Variants in CDS2 observed in about 807,000 individuals in gnomAD.
CDS2 encodes phosphatidate cytidylyltransferase 2.
In CDS2, 47 loss-of-function variants were observed where a neutral mutation model predicts 59.0. The observed-to-expected ratio is 0.80, with a 90% CI of 0.63 to 1.02. The LOEUF is 1.02. Ranked by LOEUF, CDS2 falls within the 50% of genes least tolerant of loss-of-function variation. The pLI is 0.00. For synonymous variants in CDS2, 207 were observed against 206.4 expected (o/e 1.00, Z -0.02); for missense variants, 356 against 558.9 (o/e 0.64, Z 3.66).
At chr20:5,161,586 T>C (rs1352095740) in intron 1 of CDS2, among the ~76,000 whole-genome samples, 1 of 152,256 alleles carries the variant, frequency 6.6e-6, no homozygotes, top group Admixed American at 6.5e-5. Context: ...AGTATAGACA[T>C]AGTTTTATAT....
intron 1 of CDS2, among the ~76,000 whole-genome samples, chr20:5,135,462 C>T (rs2090642519): frequency 6.6e-6 from 1 of 151,500 alleles, no homozygotes; most frequent in Non-Finnish European, 1.5e-5. Context: ...GTGTGTCATA[C>T]TGCCTCTGGT....
chr20:5,155,469 A>G (rs185772340), intron 1 of CDS2, among the ~76,000 whole-genome samples: 1 of 152,318 alleles, frequency 6.6e-6, no homozygotes, highest in East Asian at 1.9e-4. Context: ...TCTTACTGTA[A>G]ATATAACTCA....
At chr20:5,171,556 G>A (rs1383841784) in intron 1 of CDS2, among the ~76,000 whole-genome samples, 1 of 152,214 alleles carries the variant, frequency 6.6e-6, no homozygotes, top group Non-Finnish European at 1.5e-5. Flanking sequence ...GGTGGTTGCC[G>A]ATGGTGTGTG....
chr20:5,128,572 G>A (rs919748299), intron 1 of CDS2: 1 of 152,234 alleles, frequency 6.6e-6, no homozygotes, highest in Non-Finnish European at 1.5e-5. Flanking sequence ...TTGAGCCCAG[G>A]AGTTTGAGAC....
At chr20:5,168,127 G>A (rs1415092140) in intron 1 of CDS2, among the ~76,000 whole-genome samples, 1 of 152,076 alleles carries the variant, frequency 6.6e-6, no homozygotes, top group Non-Finnish European at 1.5e-5. Flanking sequence ...AAGAAATAGA[G>A]TATGGAGCTG....
chr20:5,158,739 G>A (rs538311983), intron 1 of CDS2, among the ~76,000 whole-genome samples: 9 of 152,276 alleles, frequency 5.9e-5, no homozygotes, highest in East Asian at 3.9e-4. Flanking sequence ...AGCAGCTAGC[G>A]GTTTGGGGAC....
chr20:5,162,480 C>T (rs7267961), intron 1 of CDS2, among the ~76,000 whole-genome samples: 1,921 of 152,222 alleles, frequency 0.013, 50 homozygotes, highest in African/African-American at 0.042. Flanking sequence ...CTAGGCAAGA[C>T]TTCAGGATCA....
Position 5,184,501 on chromosome 20 carries a change from A to G in CDS2, c.672-357A>G, listed in dbSNP as rs2091053142. Among the ~76,000 whole-genome samples the G allele has an allele frequency of 2.6e-5, 4 of 152,198 alleles. No homozygotes were observed. Among genetic ancestry groups the G allele is most frequent in the Admixed American group, 1.3e-4 (2 of 15,270 alleles). ...AAATTAGAAACGATTAGAAGTGGTT[A>G]TTTTTGGGAATGGAGATAGGGATGG... On this transcript the variant is annotated intron_variant, in intron 7 of 12. Coordinates refer to ENST00000460006, the MANE Select transcript of CDS2 (RefSeq NM_003818.4). The surrounding 1 kb of genome is among the most constrained non-coding windows in gnomAD (Gnocchi z 4.3).
intron 7 of CDS2, 165 bp downstream of exon 7, chr20:5,183,308 A>C (rs2091044766): frequency 9.8e-6 from 6 of 613,682 alleles, no homozygotes; most frequent in Non-Finnish European, 1.8e-5. Flanking sequence ...TTGATTCATT[A>C]GATCTGGGGT....
intron 1 of CDS2, among the ~76,000 whole-genome samples, chr20:5,144,259 A>G (rs1372834018): frequency 6.6e-6 from 1 of 152,206 alleles, no homozygotes; most frequent in Non-Finnish European, 1.5e-5. Flanking sequence ...AACTACTTTA[A>G]TGAACTGTAT....
intron 1 of CDS2, among the ~76,000 whole-genome samples, chr20:5,134,962 A>C (rs1446128042): frequency 6.6e-6 from 1 of 152,210 alleles, no homozygotes. Context: ...CTGTCCTACT[A>C]ATGTAAAGCA....
chr20:5,154,939 C>G (rs1426201744), intron 1 of CDS2, among the ~76,000 whole-genome samples: 1 of 152,226 alleles, frequency 6.6e-6, no homozygotes, highest in Non-Finnish European at 1.5e-5. Flanking sequence ...TGAGCCGTTG[C>G]GCTCAGCTGA....
chr20:5,157,732 G>T (rs974010649), intron 1 of CDS2, among the ~76,000 whole-genome samples: 1 of 152,116 alleles, frequency 6.6e-6, no homozygotes, highest in African/African-American at 2.4e-5. Flanking sequence ...TTTTATAAGG[G>T]TGCTAATCCC....
At chr20:5,190,069 A>C (rs775789528) in intron 12 of CDS2, 33 bp from the exon 13 acceptor site, 1 of 1,609,204 alleles carries the variant, frequency 6.2e-7, no homozygotes, top group Non-Finnish European at 8.5e-7. Context: ...TCCGGGCCCT[A>C]GCTCAGTGCT....
intron 1 of CDS2, among the ~76,000 whole-genome samples, chr20:5,136,336 C>T (rs2090649878): frequency 6.6e-6 from 1 of 152,206 alleles, no homozygotes; most frequent in Non-Finnish European, 1.5e-5. Context: ...CTCGGTTACT[C>T]AGGCTTGAAA....
intron 1 of CDS2, among the ~76,000 whole-genome samples, chr20:5,171,123 A>G (rs936966519): frequency 2.6e-5 from 4 of 151,956 alleles, no homozygotes; most frequent in Non-Finnish European, 4.4e-5. Flanking sequence ...ACCCCTTCCT[A>G]CAAGGAAGGA....
Position 5,181,330 on chromosome 20 carries a change from T to TCAGCA in CDS2, c.530-1057_530-1056insCAGCA, listed in dbSNP as rs1247260765. Among the ~76,000 whole-genome samples, 494 of 152,252 alleles carry TCAGCA rather than the reference T, an allele frequency of 3.2e-3. 5 individuals are homozygous for TCAGCA. Among genetic ancestry groups the TCAGCA allele is most frequent in the African/African-American group, 0.012 (480 of 41,530 alleles). On this transcript the variant is annotated intron_variant, in intron 5 of 12. Coordinates refer to ENST00000460006, the MANE Select transcript of CDS2 (RefSeq NM_003818.4). The stretch of plus-strand genomic sequence containing the variant: ...CCAATCAGTGCTGCAGTCTATTTCC[T>TCAGCA]TTGGGTTGGGGGTCTCCTCAGTATT...
chr20:5,182,389 T>TTC lies in CDS2; in HGVS notation c.534_535dup (p.Cys179SerfsTer6). 1 of 1,608,662 alleles carries TTC rather than the reference T, an allele frequency of 6.2e-7. No individual in the cohort carries two copies. Among genetic ancestry groups the TTC allele is most frequent in the Non-Finnish European group, 8.5e-7 (1 of 1,177,796 alleles). ...TTTCTCCTCCCACCTCAAACTAGGA[T>TTC]TCTGCATGTTTGTACTGAGTCTGGT... On this transcript the variant is annotated frameshift_variant, in exon 6 of 13. Transcript: ENST00000460006. LOFTEE classifies it high-confidence loss of function.
intron 1 of CDS2, among the ~76,000 whole-genome samples, chr20:5,129,153 C>A (rs2090581796): frequency 6.6e-6 from 1 of 152,156 alleles, no homozygotes; most frequent in Non-Finnish European, 1.5e-5. Context: ...GTGTTGTTTC[C>A]TAAAAGACAG....
Sources: allele counts gnomAD v4.1 joint callset (sites outside exome capture counted in the v4.1 genomes callset), GRCh38; gene constraint gnomAD v4.1.1; non-coding constraint Gnocchi (gnomAD v3.1); transcripts MANE v1.5; gene names NCBI Gene and HGNC (gene_info 2026-07-23, HGNC 2026-07-21).